POC1A: variants seen among roughly 807,000 people sequenced by gnomAD.
POC1A encodes POC1 centriolar protein A, also known as POC1 centriolar protein homolog A.
In POC1A, 34 loss-of-function variants were observed where a neutral mutation model predicts 47.8. The observed-to-expected ratio is 0.71, with a 90% CI of 0.54 to 0.95. The LOEUF (loss-of-function observed/expected upper bound fraction) is 0.95, where lower values mean the gene tolerates loss of function less well. Ranked by LOEUF, POC1A falls within the 40% of genes least tolerant of loss-of-function variation. The probability of loss-of-function intolerance (pLI) is 0.00; values close to 1 mark genes in which losing one functional copy is unlikely to be tolerated. For synonymous variants in POC1A, 177 were observed against 207.6 expected (o/e 0.85, Z 1.27); for missense variants, 466 against 528.3 (o/e 0.88, Z 1.16).
Position 52,149,100 on chromosome 3 carries a change from A to T in POC1A, c.455+110T>A, listed in dbSNP as rs1419158978. 21 of 828,768 alleles carry T rather than the reference A, an allele frequency of 2.5e-5. No individual in the cohort carries two copies. The Admixed American group carries it at 4.5e-4, about 18-fold the overall frequency. The allele number at this position is 828,768 out of a possible 1,614,324, so 51.3% of individuals were successfully genotyped here. A position where few individuals can be genotyped will look rare whatever the true frequency, so the allele number is the denominator to read the frequency against. On this transcript the variant is annotated intron_variant, in intron 4 of 10. Transcript: ENST00000296484. ...GGAAACCGAGGCTGAGGAAGCTTAA[A>T]CAATGCCTAAGTAACTTGCCCGAGG...
intron 10 of POC1A, among the ~76,000 whole-genome samples, chr3:52,076,977 G>A (rs1460891217): frequency 6.6e-6 from 1 of 152,290 alleles, no homozygotes; most frequent in Non-Finnish European, 1.5e-5. Context: ...CAGCAGAGGG[G>A]CAGCACTGTC....
chr3:52,101,073 C>A lies in POC1A; in HGVS notation c.982-4361G>T, dbSNP rs560615151. Among the ~76,000 whole-genome samples the A allele has an allele frequency of 6.0e-5, 9 of 148,822 alleles. No homozygotes were observed. The South Asian group carries it at 1.5e-3, about 25-fold the overall frequency. On this transcript the variant is annotated intron_variant, in intron 9 of 10. Coordinates refer to ENST00000296484, the MANE Select transcript of POC1A (RefSeq NM_015426.5). ...CTGAAGCTGGGTCAAGACAACAGGGCCCACCCCAACCCTCAGCAAAAAAAA... is the reference window on the plus strand; with the variant it reads ...CTGAAGCTGGGTCAAGACAACAGGGACCACCCCAACCCTCAGCAAAAAAAA...
chr3:52,122,976 A>G (rs181511088), intron 8 of POC1A, among the ~76,000 whole-genome samples: 1 of 152,360 alleles, frequency 6.6e-6, no homozygotes, highest in Non-Finnish European at 1.5e-5. Flanking sequence ...GGCCTGTTAC[A>G]CTGTGAGAAG....
chr3:52,085,741 A>G (rs1009810504), intron 10 of POC1A, among the ~76,000 whole-genome samples: 9 of 152,358 alleles, frequency 5.9e-5, no homozygotes, highest in African/African-American at 2.2e-4. Flanking sequence ...TAACTCGCCG[A>G]GCAGCCTTAG....
chr3:52,149,784 T>TC (rs761368644), intron 3 of POC1A, 32 bp downstream of exon 3: 10 of 1,596,276 alleles, frequency 6.3e-6, no homozygotes, highest in Non-Finnish European at 8.6e-6. Context: ...GGCCCCAGAC[T>TC]CCAACAAGCC....
Position 52,119,998 on chromosome 3 carries a change from T to C in POC1A, c.981+2381A>G, listed in dbSNP as rs370819785. ...GGGGTTGAGTCACTCTGGCCAGCCA[T>C]AGAACCAGTCCCCAGATACGGTCTC... On this transcript the variant is annotated intron_variant, in intron 9 of 10. Transcript: ENST00000296484. Among the ~76,000 whole-genome samples, 71 of 152,122 alleles carry C rather than the reference T, an allele frequency of 4.7e-4. No homozygotes were observed. In the South Asian group the frequency reaches 0.014, roughly 30 times the overall value.
chr3:52,125,219 C>T (rs367704833), intron 7 of POC1A, 38 bp from the exon 8 acceptor site: 42 of 1,477,930 alleles, frequency 2.8e-5, no homozygotes, highest in Non-Finnish European at 4.0e-5. Context: ...CATCAAAGGT[C>T]ATTCTCCATT....
chr3:52,088,363 CA>C (rs1000627566), intron 10 of POC1A, among the ~76,000 whole-genome samples: 3 of 152,224 alleles, frequency 2.0e-5, no homozygotes, highest in African/African-American at 7.2e-5. Flanking sequence ...GCAAGGGGCA[CA>C]TAATTGCTTC....
intron 1 of POC1A, 116 bp downstream of exon 1, chr3:52,154,239 A>G: frequency 8.8e-7 from 1 of 1,140,212 alleles, no homozygotes; most frequent in Non-Finnish European, 1.3e-6. Flanking sequence ...CCTGAAGAGG[A>G]CCACCCTGGA....
intron 10 of POC1A, among the ~76,000 whole-genome samples, chr3:52,082,497 G>A (rs930006289): frequency 2.0e-5 from 3 of 152,106 alleles, no homozygotes; most frequent in Non-Finnish European, 4.4e-5. Flanking sequence ...TGATTCATCC[G>A]CCTGAGCTCT....
At chr3:52,118,865 A>T (rs1703665660) in intron 9 of POC1A, among the ~76,000 whole-genome samples, 1 of 152,236 alleles carries the variant, frequency 6.6e-6, no homozygotes, top group African/African-American at 2.4e-5. Context: ...GAGCTCTTTG[A>T]GAAGTCGAGC....
intron 10 of POC1A, among the ~76,000 whole-genome samples, chr3:52,085,380 C>T (rs758166282): frequency 6.6e-6 from 1 of 152,232 alleles, no homozygotes; most frequent in Non-Finnish European, 1.5e-5. Flanking sequence ...TCCTGGGACA[C>T]CCTTCACCCT....
At chr3:52,146,181 C>A (rs1577921062) in intron 5 of POC1A, among the ~76,000 whole-genome samples, 1 of 152,244 alleles carries the variant, frequency 6.6e-6, no homozygotes, top group East Asian at 1.9e-4. Flanking sequence ...GTGGACTGAC[C>A]AGGGAGCACA....
At chr3:52,122,714 C>T (rs570287870) in intron 8 of POC1A, among the ~76,000 whole-genome samples, 4 of 152,226 alleles carry the variant, frequency 2.6e-5, no homozygotes, top group South Asian at 4.1e-4. Flanking sequence ...GGCGTGGCAC[C>T]GCCAGGCCTT....
rs568942146 is a variant in POC1A, at chr3:52,081,961, C to G, written c.1126-5976G>C. On this transcript the variant is annotated intron_variant, in intron 10 of 10. Coordinates refer to ENST00000296484, the MANE Select transcript of POC1A (RefSeq NM_015426.5). ...GATGGGGGTCTGAGAGAGATGTGCTCCAAGGCCAAGAACACAAGACAAGGA... is the reference window on the plus strand; with the variant it reads ...GATGGGGGTCTGAGAGAGATGTGCTGCAAGGCCAAGAACACAAGACAAGGA... Among the ~76,000 whole-genome samples, 14 of 152,050 alleles carry G rather than the reference C, an allele frequency of 9.2e-5. No homozygotes were observed. The East Asian group carries it at 2.7e-3, about 29-fold the overall frequency.
At chr3:52,141,198 G>T (rs1698180916) in intron 6 of POC1A, among the ~76,000 whole-genome samples, 1 of 152,240 alleles carries the variant, frequency 6.6e-6, no homozygotes, top group African/African-American at 2.4e-5. Flanking sequence ...CTTGTGGGCA[G>T]TAGGTGGTCT....
At chr3:52,147,255 T>C (rs1371248260) in intron 4 of POC1A, among the ~76,000 whole-genome samples, 160 bp from the exon 5 acceptor site, 1 of 151,818 alleles carries the variant, frequency 6.6e-6, no homozygotes, top group Non-Finnish European at 1.5e-5. Context: ...TTAATTTGAA[T>C]ACCCTAATTT....
chr3:52,150,098 T>C (rs1698510130), intron 2 of POC1A, 111 bp from the exon 3 acceptor site: 3 of 818,630 alleles, frequency 3.7e-6, no homozygotes, highest in Non-Finnish European at 5.8e-6. Flanking sequence ...TTCCCTGGCA[T>C]CCACAAACAG....
At chr3:52,109,654 G>A (rs1379735319) in intron 9 of POC1A, among the ~76,000 whole-genome samples, 1 of 152,148 alleles carries the variant, frequency 6.6e-6, no homozygotes, top group Admixed American at 6.5e-5. Context: ...TCCACGGAAC[G>A]TTCTGACCAG....
Sources: gnomAD v4.1 joint callset for allele counts (sites outside exome capture counted in the v4.1 genomes callset) on GRCh38, gnomAD v4.1.1 for gene constraint, MANE v1.5 for transcripts, NCBI Gene and HGNC (gene_info 2026-07-23, HGNC 2026-07-21) for gene names.